Variants in GPHN observed in about 807,000 individuals in gnomAD.
The protein encoded by GPHN is gephyrin.
GPHN carries 17 observed loss-of-function variants against 95.5 expected under a neutral mutation model. That is an observed-to-expected ratio of 0.18 (90% CI 0.12 to 0.27). GPHN has a LOEUF of 0.27. Ranked by LOEUF, GPHN falls within the 10% of genes least tolerant of loss-of-function variation. GPHN has a pLI of 1.00. For synonymous variants in GPHN, 320 were observed against 322.5 expected (o/e 0.99, Z 0.08); for missense variants, 660 against 978.1 (o/e 0.67, Z 4.34).
chr14:67,497,760 A>G, the GPHN span, among the ~76,000 whole-genome samples: 1 of 152,072 alleles, frequency 6.6e-6, no homozygotes, highest in Admixed American at 6.6e-5. Context: ...CATTTTGGAA[A>G]GTCACGTCAA....
chr14:67,418,720 T>G, the GPHN span, among the ~76,000 whole-genome samples: 2 of 152,042 alleles, frequency 1.3e-5, no homozygotes, highest in Admixed American at 1.3e-4. Flanking sequence ...CCATGGAAGT[T>G]AGTCAAAGCT....
chr14:67,626,418 A>G, the GPHN span, among the ~76,000 whole-genome samples: 6 of 152,224 alleles, frequency 3.9e-5, no homozygotes, highest in Non-Finnish European at 8.8e-5. Context: ...ACTTTGGAAA[A>G]CAGTTTGGCA....
intron 10 of GPHN, among the ~76,000 whole-genome samples, chr14:67,031,529 T>C (rs2074196871): frequency 6.6e-6 from 1 of 152,184 alleles, no homozygotes; most frequent in African/African-American, 2.4e-5. Flanking sequence ...TCGACTTTTT[T>C]ATCTAGTCTA....
intron 19 of GPHN, among the ~76,000 whole-genome samples, chr14:67,161,302 AAAAAG>A (rs1254062660): frequency 3.9e-5 from 6 of 152,268 alleles, no homozygotes; most frequent in Admixed American, 3.3e-4. Context: ...CAAAAAAGAA[AAAAAG>A]AAAAGAAAAG....
chr14:66,777,174 A>G (rs2059416836), intron 3 of GPHN, among the ~76,000 whole-genome samples: 2 of 152,208 alleles, frequency 1.3e-5, no homozygotes, highest in Non-Finnish European at 1.5e-5. Context: ...ACAAACTACC[A>G]TCAGAGAATA....
At chr14:67,372,429 G>T in the GPHN span, among the ~76,000 whole-genome samples, 222 of 152,274 alleles carry the variant, frequency 1.5e-3, no homozygotes, top group African/African-American at 5.1e-3. Context: ...AGGAAAAATT[G>T]ATTAATTGGA....
intron 1 of GPHN, among the ~76,000 whole-genome samples, chr14:66,512,676 A>C (rs1000756251): frequency 1.1e-4 from 17 of 151,814 alleles, no homozygotes; most frequent in Non-Finnish European, 1.3e-4. Context: ...AAATGAGAAC[A>C]TCAAAATATT....
chr14:67,718,106 T>C, the GPHN span, among the ~76,000 whole-genome samples: 4 of 152,282 alleles, frequency 2.6e-5, no homozygotes, highest in East Asian at 5.8e-4. Flanking sequence ...TGTGCTTCCA[T>C]TTTGGTTTGC....
the GPHN span, among the ~76,000 whole-genome samples, chr14:67,474,266 A>AAAAC: frequency 0.14 from 10,127 of 73,902 alleles, 371 homozygotes; most frequent in African/African-American, 0.19. Context: ...AAAACAAAAC[A>AAAAC]AAAAAAAAAC....
chr14:66,727,670 G>T (rs1241011133), intron 2 of GPHN, among the ~76,000 whole-genome samples: 1 of 152,162 alleles, frequency 6.6e-6, no homozygotes, highest in African/African-American at 2.4e-5. Flanking sequence ...GATGATTAGG[G>T]TATCTGGCAC....
chr14:67,616,315 G>T, the GPHN span: 2 of 152,692 alleles, frequency 1.3e-5, no homozygotes, highest in East Asian at 3.7e-4. Flanking sequence ...ACCTTGTTTG[G>T]TACACTGTGG....
chr14:67,587,605 C>G, the GPHN span: 2 of 268,038 alleles, frequency 7.5e-6, no homozygotes, highest in Non-Finnish European at 1.5e-5. Flanking sequence ...CTGGGGGGGG[C>G]GGGGGACACA....
At chr14:67,591,923 T>C in the GPHN span, 2 of 151,736 alleles carry the variant, frequency 1.3e-5, no homozygotes, top group South Asian at 4.1e-4. Context: ...TAAACTGATA[T>C]TTCAATATAT....
At chr14:66,636,281 A>G (rs1361056936) in intron 1 of GPHN, among the ~76,000 whole-genome samples, 1 of 151,980 alleles carries the variant, frequency 6.6e-6, no homozygotes, top group Non-Finnish European at 1.5e-5. Context: ...TGATTTTTTT[A>G]TGTCTTTGGA....
At chr14:67,249,990 G>A in the GPHN span, among the ~76,000 whole-genome samples, 34 of 152,094 alleles carry the variant, frequency 2.2e-4, no homozygotes, top group Non-Finnish European at 3.2e-4. Flanking sequence ...GTAACGCTTC[G>A]GAAAGTCTTT....
At chr14:66,743,034 G>A (rs1273179916) in intron 2 of GPHN, among the ~76,000 whole-genome samples, 3 of 152,026 alleles carry the variant, frequency 2.0e-5, no homozygotes, top group Non-Finnish European at 2.9e-5. Context: ...GAAAGTTGGA[G>A]TTAGGACTGT....
chr14:66,685,496 G>A (rs2067287455), intron 2 of GPHN, among the ~76,000 whole-genome samples: 1 of 152,146 alleles, frequency 6.6e-6, no homozygotes, highest in South Asian at 2.1e-4. Flanking sequence ...TTTCTCTGAT[G>A]GCCAGTGATG....
At chr14:67,412,136 C>A in the GPHN span, 7 of 1,283,908 alleles carry the variant, frequency 5.5e-6, no homozygotes, top group Admixed American at 7.6e-5. Context: ...GCGCAGCCCG[C>A]GCAGTCCGCG....
At chr14:66,944,915 A>G (rs2067653265) in intron 8 of GPHN, among the ~76,000 whole-genome samples, 2 of 152,232 alleles carry the variant, frequency 1.3e-5, no homozygotes. Flanking sequence ...AGGAGCTGCC[A>G]TTCTGTGGTC....
Sources: allele counts gnomAD v4.1 joint callset (sites outside exome capture counted in the v4.1 genomes callset), GRCh38; gene constraint gnomAD v4.1.1; transcripts MANE v1.5; gene names NCBI Gene and HGNC (gene_info 2026-07-23, HGNC 2026-07-21).